The following TMEFF2 variants were observed in gnomAD, a reference collection of about 807,000 sequenced individuals.
The protein encoded by TMEFF2 is transmembrane protein with EGF like and two follistatin like domains 2, also known as tomoregulin-2.
TMEFF2 carries 28 observed loss-of-function variants against 53.8 expected under a neutral mutation model. The ratio of observed to expected loss-of-function variants is 0.52; its 90% CI spans 0.39 to 0.71. The LOEUF (loss-of-function observed/expected upper bound fraction) is 0.71, where lower values mean the gene tolerates loss of function less well. Among genes scored for constraint, TMEFF2 ranks in the 30% least tolerant of loss-of-function variants. The pLI, the probability that TMEFF2 is intolerant of heterozygous loss-of-function variation, is 0.00. For missense variants in TMEFF2, 353 were observed against 455.2 expected (o/e 0.78, Z 2.04); for synonymous variants, 162 against 166.3 (o/e 0.97, Z 0.20).
In TMEFF2 at chr2:192,107,165, T is replaced by A. The variant is rs559481031; in HGVS notation, c.440-49390A>T. 2.1e-4 allele frequency among the ~76,000 whole-genome samples: 32 copies of A among 151,906 alleles called. No homozygotes were observed. The South Asian group carries it at 6.4e-3, about 30-fold the overall frequency. On this transcript the variant is annotated intron_variant, in intron 4 of 9. Coordinates refer to ENST00000272771, the MANE Select transcript of TMEFF2 (RefSeq NM_016192.4). ...TTATTCTCTATTTACTGTGGAGTTA[T>A]TAAAACTTTTTCAGTTAGAGAATTA... is the stretch of plus-strand genomic sequence containing the variant.
intron 4 of TMEFF2, among the ~76,000 whole-genome samples, chr2:192,172,062 G>A (rs1690928013): frequency 6.6e-6 from 1 of 151,898 alleles, no homozygotes; most frequent in South Asian, 2.1e-4. Flanking sequence ...GAGCTGCCTG[G>A]CCCACGGTAT....
In TMEFF2 at chr2:192,187,442, CAA is replaced by C; in HGVS notation, c.283-2961_283-2960del. ...CATGGTGTTTCTAGAATTAGAAAAA[CAA>C]GAGGAAACAGGCTAACCCTAAGCAT... On this transcript the variant is annotated intron_variant, in intron 2 of 9. Coordinates refer to ENST00000272771, the MANE Select transcript of TMEFF2 (RefSeq NM_016192.4). Among the ~76,000 whole-genome samples the C allele has an allele frequency of 8.5e-5, 13 of 152,192 alleles. 3 individuals carry two copies. Among genetic ancestry groups the C allele is most frequent in the Admixed American group, 8.5e-4 (13 of 15,292 alleles).
At chr2:192,040,242 TAA>T (rs1431678140) in intron 5 of TMEFF2, among the ~76,000 whole-genome samples, 2 of 152,148 alleles carry the variant, frequency 1.3e-5, no homozygotes, top group Non-Finnish European at 2.9e-5. Context: ...GCCTTTTGAT[TAA>T]TAGTAGCAGC....
intron 4 of TMEFF2, among the ~76,000 whole-genome samples, chr2:192,137,966 G>A (rs867364121): frequency 1.3e-5 from 2 of 151,770 alleles, no homozygotes; most frequent in Admixed American, 6.6e-5. Context: ...TTATAGGCAT[G>A]CGCCACCACA....
chr2:191,967,921 G>A (rs1692516076), intron 7 of TMEFF2, among the ~76,000 whole-genome samples: 1 of 152,122 alleles, frequency 6.6e-6, no homozygotes, highest in African/African-American at 2.4e-5. Flanking sequence ...AGTCAGCCTG[G>A]AAAACTCACT....
chr2:192,124,234 T>TG (rs1181581019), intron 4 of TMEFF2, among the ~76,000 whole-genome samples: 3 of 152,240 alleles, frequency 2.0e-5, no homozygotes, highest in African/African-American at 7.2e-5. Flanking sequence ...CAAAAATGAA[T>TG]GTCTAGTCTG....
chr2:192,121,235 G>A (rs1404625118), intron 4 of TMEFF2, among the ~76,000 whole-genome samples: 1 of 152,134 alleles, frequency 6.6e-6, no homozygotes, highest in East Asian at 1.9e-4. Context: ...GCAGAGGACA[G>A]AACCAAATAA....
chr2:192,107,095 T>A (rs894011269), intron 4 of TMEFF2, among the ~76,000 whole-genome samples: 3 of 151,768 alleles, frequency 2.0e-5, no homozygotes, highest in African/African-American at 2.4e-5. Flanking sequence ...AGAGTTAAAA[T>A]GAGTTCCAAA....
Position 191,999,136 on chromosome 2 carries a change from A to G in TMEFF2, c.609T>C (p.Asp203=), listed in dbSNP as rs572403638. The G allele has an allele frequency of 6.2e-7, 1 of 1,612,586 alleles. No homozygotes were observed. Residue 203 remains aspartate (D), a synonymous_variant, in exon 6 of 10, where the codon GAT becomes GAC. Transcript: ENST00000272771. ...PLCASDGKSY[D]NACQIKEASC... is the part of the protein sequence containing the mutation. ...ATGCTTCTTTGATTTGGCATGCATT[A>G]TCATAAGATTTCCCATCAGAAGCGC...
intron 4 of TMEFF2, among the ~76,000 whole-genome samples, chr2:192,096,133 T>C (rs996241673): frequency 2.6e-5 from 4 of 152,116 alleles, no homozygotes; most frequent in Non-Finnish European, 5.9e-5. Context: ...AACAAAGCGG[T>C]TGATATTACT....
At chr2:192,134,883 A>G (rs1287624935) in intron 4 of TMEFF2, among the ~76,000 whole-genome samples, 3 of 152,146 alleles carry the variant, frequency 2.0e-5, no homozygotes, top group Admixed American at 1.3e-4. Context: ...GGCTCTTAGT[A>G]TTCAGTGACA....
At chr2:192,176,660 TTAAAA>T (rs1403356599) in intron 4 of TMEFF2, 1 of 151,210 alleles carries the variant, frequency 6.6e-6, no homozygotes, top group African/African-American at 2.4e-5. Context: ...CAATAACAAG[TTAAAA>T]TAAATTTTAT....
At chr2:192,179,730 T>C (rs1691140017) in intron 3 of TMEFF2, 36 bp from the exon 4 acceptor site, 2 of 1,513,468 alleles carry the variant, frequency 1.3e-6, no homozygotes, top group African/African-American at 2.9e-5. Context: ...TAGTAAAACA[T>C]ATTCAAAAAT....
chr2:192,013,554 G>A (rs1686679564), intron 5 of TMEFF2, among the ~76,000 whole-genome samples: 2 of 151,680 alleles, frequency 1.3e-5, no homozygotes, highest in African/African-American at 2.4e-5. Flanking sequence ...GGGTTCAAGC[G>A]ATTCTCATGC....
intron 4 of TMEFF2, among the ~76,000 whole-genome samples, chr2:192,064,535 G>A (rs2105910192): frequency 6.6e-6 from 1 of 151,874 alleles, no homozygotes; most frequent in South Asian, 2.1e-4. Flanking sequence ...CTTATCTATA[G>A]TACCACATTC....
At chr2:192,020,237 G>A (rs973804231) in intron 5 of TMEFF2, among the ~76,000 whole-genome samples, 1 of 152,004 alleles carries the variant, frequency 6.6e-6, no homozygotes, top group African/African-American at 2.4e-5. Flanking sequence ...AAGAAGCAAG[G>A]CAAATCTTAC....
intron 5 of TMEFF2, chr2:192,035,499 G>T (rs1166725538): frequency 6.6e-6 from 1 of 152,104 alleles, no homozygotes; most frequent in Non-Finnish European, 1.5e-5. Context: ...CAGCTCCTCA[G>T]TTTTTTCTTC....
intron 5 of TMEFF2, among the ~76,000 whole-genome samples, chr2:192,029,677 TTTTA>T (rs956145831): frequency 1.3e-5 from 2 of 152,210 alleles, no homozygotes; most frequent in African/African-American, 4.8e-5. Context: ...CCCAAAGAGC[TTTTA>T]TTTATGCATT....
rs564467757 is a variant in TMEFF2, at chr2:192,167,637, T to C, written c.439+12031A>G. Among the ~76,000 whole-genome samples, 6 of 152,240 alleles carry C rather than the reference T, an allele frequency of 3.9e-5. No individual in the cohort carries two copies. In the South Asian group the frequency reaches 1.0e-3, roughly 26 times the overall value. ...AGTTCTCCTTTTTATCCTCTACACT[T>C]ACATTTTATATTCGATCAGAGCATT... On this transcript the variant is annotated intron_variant, in intron 4 of 9. Coordinates refer to ENST00000272771, the MANE Select transcript of TMEFF2 (RefSeq NM_016192.4).
Sources: gnomAD v4.1 joint callset for allele counts (sites outside exome capture counted in the v4.1 genomes callset) on GRCh38, gnomAD v4.1.1 for gene constraint, MANE v1.5 for transcripts, NCBI Gene and HGNC (gene_info 2026-07-23, HGNC 2026-07-21) for gene names.